The following CD5L variants were observed in gnomAD, a reference collection of about 807,000 sequenced individuals.
CD5L encodes the protein CD5 molecule like.
CD5L carries 39 observed loss-of-function variants against 40.8 expected under a neutral mutation model. The observed-to-expected ratio is 0.96, with a 90% CI of 0.74 to 1.25. The LOEUF is 1.25. Ranked by LOEUF, CD5L falls within the 50% of genes most tolerant of loss-of-function variation. The probability of loss-of-function intolerance (pLI) is 0.00; values close to 1 mark genes in which losing one functional copy is unlikely to be tolerated. For missense variants in CD5L, 433 were observed against 435.9 expected, an observed-to-expected ratio of 0.99 and a Z score of 0.06; for synonymous variants, 192 against 169.6, an observed-to-expected ratio of 1.13 and a Z score of -1.03.
Position 157,830,930 on chromosome 1 carries a change from T to C in CD5L, c.*1034A>G, listed in dbSNP as rs1226812906. On this transcript the variant is annotated 3_prime_UTR_variant, in exon 6 of 6. Transcript: ENST00000368174. Reference sequence around the variant, plus strand: ...AGGCAATTGTTGAGACTGTGAAATCTGATTTATTAGATAAGTGTAAATGTG... The same window carrying C: ...AGGCAATTGTTGAGACTGTGAAATCCGATTTATTAGATAAGTGTAAATGTG... 1 of 984,556 alleles carries C rather than the reference T, an allele frequency of 1.0e-6. No homozygotes were observed. Among genetic ancestry groups the C allele is most frequent in the African/African-American group, 1.7e-5 (1 of 57,212 alleles). 61.0% of individuals were successfully genotyped at this position (984,556 alleles called of 1,614,324 possible). A position where few individuals can be genotyped will look rare whatever the true frequency, so the allele number is the denominator to read the frequency against.
chr1:157,832,831 A>G (rs976823535), intron 5 of CD5L, among the ~76,000 whole-genome samples: 2 of 152,174 alleles, frequency 1.3e-5, no homozygotes, highest in African/African-American at 4.8e-5. Context: ...AAGCAATTTT[A>G]ATGCTTTTGA....
rs892964800 is a variant in CD5L, at chr1:157,831,761, TCAA to T, written c.*200_*202del. ...CTCATCTTCCCCAGCAAGAGGGAAC[TCAA>T]CAGCTCACATCTACAGGCAGCAATG... On this transcript the variant is annotated 3_prime_UTR_variant, in exon 6 of 6. Transcript: ENST00000368174. The T allele has an allele frequency of 1.5e-4, 194 of 1,280,824 alleles. No individual in the cohort carries two copies. Among genetic ancestry groups the T allele is most frequent in the Non-Finnish European group, 1.8e-4 (183 of 1,008,858 alleles). 79.3% of individuals were successfully genotyped at this position (1,280,824 alleles called of 1,614,324 possible).
intron 3 of CD5L, among the ~76,000 whole-genome samples, chr1:157,835,278 C>G (rs941520378): frequency 7.2e-5 from 11 of 152,070 alleles, no homozygotes; most frequent in Admixed American, 3.9e-4. Context: ...GTCTAATGAA[C>G]AAAAGAGAAG....
rs940795413 is a variant in CD5L, at chr1:157,831,352, G to A, written c.*612C>T. 11 of 984,934 alleles carry A rather than the reference G, an allele frequency of 1.1e-5. No homozygotes were observed. Among genetic ancestry groups the A allele is most frequent in the African/African-American group, 1.1e-4 (6 of 57,108 alleles). 61.0% of individuals were successfully genotyped at this position (984,934 alleles called of 1,614,324 possible). A position where few individuals can be genotyped will look rare whatever the true frequency, so the allele number is the denominator to read the frequency against. On this transcript the variant is annotated 3_prime_UTR_variant, in exon 6 of 6. Coordinates refer to ENST00000368174, the MANE Select transcript of CD5L (RefSeq NM_005894.3). ...ATGAAAAGGTCTAGGATTATAGGAC[G>A]CTGCTCTGCTCCTGAAAGAATTGTC...
chr1:157,837,577 C>T (rs1363488570), intron 2 of CD5L, among the ~76,000 whole-genome samples: 1 of 152,070 alleles, frequency 6.6e-6, no homozygotes, highest in Non-Finnish European at 1.5e-5. Context: ...AAGTCTATGG[C>T]CTATTGGAAG....
intron 2 of CD5L, among the ~76,000 whole-genome samples, chr1:157,838,382 A>G (rs1191072771): frequency 6.6e-6 from 1 of 152,152 alleles, no homozygotes; most frequent in Non-Finnish European, 1.5e-5. Context: ...TTTGGGGGTC[A>G]TTGTATCTGA....
At chr1:157,834,032 C>T (rs1016913372) in intron 4 of CD5L, among the ~76,000 whole-genome samples, 2 of 151,970 alleles carry the variant, frequency 1.3e-5, no homozygotes, top group African/African-American at 2.4e-5. Context: ...TTGTCCAGGT[C>T]GACTTCTCTC....
In CD5L at chr1:157,841,652, C is replaced by G. The variant is rs746232893; in HGVS notation, c.28+22G>C. 4 of 1,609,674 alleles carry G rather than the reference C, an allele frequency of 2.5e-6. No homozygotes were observed. In the South Asian group the frequency reaches 3.3e-5, roughly 13 times the overall value. On this transcript the variant is annotated intron_variant, in intron 1 of 5. Coordinates refer to ENST00000368174, the MANE Select transcript of CD5L (RefSeq NM_005894.3). ...TGCCAGAAAACTCTGAAGCCTAAAC[C>G]AACAGGTGCAGAGATACTCACCAAG...
At chr1:157,837,691 T>C (rs558637048) in intron 2 of CD5L, among the ~76,000 whole-genome samples, 61 of 152,046 alleles carry the variant, frequency 4.0e-4, no homozygotes, top group Non-Finnish European at 8.7e-4. Context: ...CAGACTAACT[T>C]GTCACAACTG....
At chr1:157,832,392 C>T (rs1231361392) in intron 5 of CD5L, among the ~76,000 whole-genome samples, 1 of 152,180 alleles carries the variant, frequency 6.6e-6, no homozygotes, top group African/African-American at 2.4e-5. Context: ...TAACTGCTTC[C>T]CACATACCTT....
Position 157,836,008 on chromosome 1 carries a change from C to A in CD5L, c.203G>T (p.Gly68Val), listed in dbSNP as rs779754060. Residue 68 changes from glycine (G) to valine (V), a missense_variant, in exon 3 of 6, where the codon GGA becomes GTA. Gly to Val is a moderately radical substitution (Grantham distance 109). Transcript: ENST00000368174. The part of the protein sequence containing the change: ...VAVLCRELGC[G>V]AASGTPSGIL... ...ACCACTAGGGGTTCCGCTGGCAGCTCCACAGCCCAGCTCCCGGCACAACAC... is the reference window on the plus strand; with the variant it reads ...ACCACTAGGGGTTCCGCTGGCAGCTACACAGCCCAGCTCCCGGCACAACAC... 1 of 1,614,194 alleles carries A rather than the reference C, an allele frequency of 6.2e-7. No homozygotes were observed. Among genetic ancestry groups the A allele is most frequent in the South Asian group, 1.1e-5 (1 of 91,088 alleles).
At chr1:157,830,904 G>C, downstream of CD5L, 1 of 973,470 alleles carries the variant, frequency 1.0e-6, no homozygotes, top group Non-Finnish European at 1.2e-6. Context: ...ATCACACAGA[G>C]AGGCAATTGT....
chr1:157,833,466 C>T lies in CD5L; in HGVS notation c.765G>A (p.Gly255=). The T allele has an allele frequency of 1.2e-6, 2 of 1,614,056 alleles. No individual in the cohort carries two copies. Among genetic ancestry groups the T allele is most frequent in the South Asian group, 2.2e-5 (2 of 91,068 alleles). ...CGCCCTTGTGCAGCACCTCCAGTCG[C>T]CCAGAGCAGAGGTTGTCTCCTCCTA... ...RLVGGDNLCS[G]RLEVLHKGVW... is the part of the protein sequence containing the mutation. The change falls in exon 5 of 6, where the codon GGG becomes GGA. Residue 255 remains glycine (G), a synonymous_variant. Coordinates refer to ENST00000368174, the MANE Select transcript of CD5L (RefSeq NM_005894.3).
intron 1 of CD5L, 52 bp downstream of exon 1, chr1:157,841,622 C>T: frequency 6.4e-7 from 1 of 1,559,898 alleles, no homozygotes; most frequent in Non-Finnish European, 8.8e-7. Context: ...TTCTCCTAAT[C>T]AAAGTGCCAG....
rs763542433 is a variant in CD5L, at chr1:157,839,427, G to C, written c.29-17C>G. The C allele has an allele frequency of 1.2e-6, 2 of 1,612,180 alleles. No individual in the cohort carries two copies. Among genetic ancestry groups the C allele is most frequent in the South Asian group, 2.2e-5 (2 of 90,920 alleles). ...TGCAAATGGCTGGGGAAGAAAGAAG[G>C]AAATGAGTGAGGTCAATTTCCAAGG... is the stretch of plus-strand genomic sequence containing the variant. On this transcript the variant is annotated splice_polypyrimidine_tract_variant and intron_variant, in intron 1 of 5. Transcript: ENST00000368174.
At chr1:157,829,750 G>C (rs911871648), downstream of CD5L, among the ~76,000 whole-genome samples, 2 of 152,142 alleles carry the variant, frequency 1.3e-5, no homozygotes, top group Non-Finnish European at 2.9e-5. Flanking sequence ...TTGGTTGGAA[G>C]TACGAAAACC....
chr1:157,841,033 T>TA (rs57098189), intron 1 of CD5L, among the ~76,000 whole-genome samples: 180 of 151,270 alleles, frequency 1.2e-3, no homozygotes, highest in African/African-American at 3.6e-3. Context: ...AGTTATCTTA[T>TA]AAAAAAAAAT....
At chr1:157,839,982 A>C (rs1273439021) in intron 1 of CD5L, among the ~76,000 whole-genome samples, 1 of 152,232 alleles carries the variant, frequency 6.6e-6, no homozygotes, top group Admixed American at 6.5e-5. Context: ...TTGTAGCCTG[A>C]GAACAGCCAC....
At chr1:157,829,570 CCT>C (rs201455175), downstream of CD5L, among the ~76,000 whole-genome samples, 625 of 152,222 alleles carry the variant, frequency 4.1e-3, 18 homozygotes, top group Admixed American at 0.038. Flanking sequence ...TAGAAATAGG[CCT>C]CTGTTTATAG....
Sources: gnomAD v4.1 joint callset for allele counts (sites outside exome capture counted in the v4.1 genomes callset) on GRCh38, gnomAD v4.1.1 for gene constraint, MANE v1.5 for transcripts, NCBI Gene and HGNC (gene_info 2026-07-23, HGNC 2026-07-21) for gene names.